The following CRB1 variants were observed in gnomAD, a reference collection of about 807,000 sequenced individuals.
CRB1 encodes crumbs cell polarity complex component 1.
Under a neutral mutation model 120.0 loss-of-function variants are expected in CRB1, and 83 were observed. That is an observed-to-expected ratio of 0.69 (90% CI 0.58 to 0.83). The LOEUF (loss-of-function observed/expected upper bound fraction) is 0.83. Among genes scored for constraint, CRB1 ranks in the 40% least tolerant of loss-of-function variants. CRB1 has a pLI of 0.00. For missense variants in CRB1, 1,699 were observed against 1,687.6 expected, an observed-to-expected ratio of 1.01 and a Z score of -0.12; for synonymous variants, 625 against 612.5, an observed-to-expected ratio of 1.02 and a Z score of -0.30.
At chr1:197,460,515 T>C (rs1322295566) in intron 11 of CRB1, among the ~76,000 whole-genome samples, 1 of 151,926 alleles carries the variant, frequency 6.6e-6, no homozygotes, top group African/African-American at 2.4e-5. Context: ...CAGCCAAGGG[T>C]TGTGCCTTCT....
chr1:197,330,167 C>G (rs980634660), intron 2 of CRB1, among the ~76,000 whole-genome samples: 12 of 152,106 alleles, frequency 7.9e-5, no homozygotes, highest in Non-Finnish European at 1.8e-4. Flanking sequence ...TCCCCTCTCC[C>G]TCCTCCTTTA....
intron 5 of CRB1, among the ~76,000 whole-genome samples, chr1:197,398,002 T>C (rs1397642267): frequency 6.6e-6 from 1 of 152,154 alleles, no homozygotes; most frequent in Non-Finnish European, 1.5e-5. Flanking sequence ...GCCTCTGAGA[T>C]GTCCATCCTA....
At chr1:197,439,591 C>T (rs1665333388) in intron 10 of CRB1, 1 of 152,114 alleles carries the variant, frequency 6.6e-6, no homozygotes. Flanking sequence ...AATCTTTGCT[C>T]AACACAATTT....
chr1:197,448,196 T>A (rs570558011), intron 11 of CRB1, among the ~76,000 whole-genome samples: 1 of 152,344 alleles, frequency 6.6e-6, no homozygotes, highest in East Asian at 1.9e-4. Flanking sequence ...CCTATTTTTG[T>A]TTCTGGGGAA....
At chr1:197,366,203 C>T (rs1304492898) in intron 5 of CRB1, among the ~76,000 whole-genome samples, 1 of 151,914 alleles carries the variant, frequency 6.6e-6, no homozygotes, top group East Asian at 1.9e-4. Context: ...GCCTTTCTTC[C>T]ATCCCGAATA....
At chr1:197,289,475 T>C (rs1656036522) in intron 1 of CRB1, among the ~76,000 whole-genome samples, 1 of 151,734 alleles carries the variant, frequency 6.6e-6, no homozygotes, top group African/African-American at 2.4e-5. Context: ...ATATTTACTG[T>C]ATCTTTATTT....
chr1:197,297,633 G>T (rs955949709), intron 1 of CRB1, among the ~76,000 whole-genome samples: 3 of 152,066 alleles, frequency 2.0e-5, no homozygotes, highest in Non-Finnish European at 2.9e-5. Flanking sequence ...CAACTTGGGG[G>T]ATATCAATCT....
intron 5 of CRB1, among the ~76,000 whole-genome samples, chr1:197,391,962 G>T (rs547535656): frequency 6.6e-6 from 1 of 151,938 alleles, no homozygotes; most frequent in Non-Finnish European, 1.5e-5. Flanking sequence ...AACTTGGGGG[G>T]CCCAGTGCAA....
Position 197,399,463 on chromosome 1 carries a change from C to T in CRB1, c.1172-21537C>T, listed in dbSNP as rs140989266. Among the ~76,000 whole-genome samples the T allele has an allele frequency of 5.1e-4, 78 of 152,204 alleles. 1 individual carries two copies. On this transcript the variant is annotated intron_variant, in intron 5 of 11. Coordinates refer to ENST00000367400, the MANE Select transcript of CRB1 (RefSeq NM_201253.3). Reference sequence around the variant, plus strand: ...TGAGTTTGAATTTTGACTCTGCTAGCCATAGTCTGTGTGCTTGGTTAAATC... The same window carrying T: ...TGAGTTTGAATTTTGACTCTGCTAGTCATAGTCTGTGTGCTTGGTTAAATC...
the CRB1 span, among the ~76,000 whole-genome samples, chr1:197,235,488 T>C: frequency 6.6e-6 from 1 of 152,232 alleles, no homozygotes; most frequent in African/African-American, 2.4e-5. Flanking sequence ...TGATAAAGTC[T>C]GTGTTAACCT....
At chr1:197,246,093 G>A in the CRB1 span, among the ~76,000 whole-genome samples, 1 of 152,022 alleles carries the variant, frequency 6.6e-6, no homozygotes, top group Non-Finnish European at 1.5e-5. Flanking sequence ...GGAAATATGG[G>A]AGGAGCCTTG....
intron 11 of CRB1, among the ~76,000 whole-genome samples, chr1:197,465,928 A>AT (rs1233575102): frequency 1.3e-5 from 2 of 152,244 alleles, no homozygotes; most frequent in Non-Finnish European, 2.9e-5. Flanking sequence ...AATAGATTAT[A>AT]TAAACAAGGA....
chr1:197,220,846 T>C, the CRB1 span, among the ~76,000 whole-genome samples: 2 of 152,178 alleles, frequency 1.3e-5, no homozygotes, highest in African/African-American at 4.8e-5. Context: ...ACGTGCTTGC[T>C]TCACCTTTGC....
At chr1:197,257,567 A>C in the CRB1 span, among the ~76,000 whole-genome samples, 22 of 152,202 alleles carry the variant, frequency 1.4e-4, no homozygotes, top group Admixed American at 1.4e-3. Context: ...ATTTTCTTGC[A>C]ATCTCCACCT....
chr1:197,330,752 C>T lies in CRB1; in HGVS notation c.652+1749C>T, dbSNP rs143070314. Among the ~76,000 whole-genome samples the T allele has an allele frequency of 2.6e-5, 4 of 151,922 alleles. No homozygotes were observed. The East Asian group carries it at 7.8e-4, about 30-fold the overall frequency. ...GTTGACACCTGTATTAAAGAATCCCCTATAATTCTTTCCTATTTTACATAT... is the reference window on the plus strand; with the variant it reads ...GTTGACACCTGTATTAAAGAATCCCTTATAATTCTTTCCTATTTTACATAT... On this transcript the variant is annotated intron_variant, in intron 2 of 11. Coordinates refer to ENST00000367400, the MANE Select transcript of CRB1 (RefSeq NM_201253.3).
chr1:197,421,362 C>G lies in CRB1; in HGVS notation c.1534C>G (p.Leu512Val), dbSNP rs1664304309. Residue 512 changes from leucine (L) to valine (V), a missense_variant, in exon 6 of 12, where the codon CTC becomes GTC. Physicochemically the swap from Leu to Val is conservative, Grantham distance 32. Coordinates refer to ENST00000367400, the MANE Select transcript of CRB1 (RefSeq NM_201253.3). Reference sequence around the variant, plus strand: ...CAAGGGCTCAGTTTGTAACATAGCCCTCAGGTTTCAGACTGTTCAGCCAAT... The same window carrying G: ...CAAGGGCTCAGTTTGTAACATAGCCGTCAGGTTTCAGACTGTTCAGCCAAT... ...TTKGSVCNIA[L>V]RFQTVQPMAL... is the part of the protein sequence containing the mutation. The G allele has an allele frequency of 1.9e-6, 3 of 1,614,202 alleles. No individual in the cohort carries two copies.
chr1:197,467,487 C>T (rs974635912), intron 11 of CRB1, among the ~76,000 whole-genome samples: 2 of 152,162 alleles, frequency 1.3e-5, no homozygotes, highest in African/African-American at 4.8e-5. Flanking sequence ...CATATTCAGA[C>T]TTTCTAATTG....
At position 197,314,324 on chromosome 1, in the gene CRB1, T is replaced by C. The variant is rs771628487; in HGVS notation, c.71-14098T>C. Among the ~76,000 whole-genome samples, 68 of 152,360 alleles carry C rather than the reference T, an allele frequency of 4.5e-4. 1 individual carries two copies. The highest frequency in any genetic ancestry group is 9.3e-4 in the Non-Finnish European group (63 of 68,034). ...ACTGTTCAGCCCATCAAGATTATTCTTCATTTCAGATATTTTACTTTTCAA... is the reference window on the plus strand; with the variant it reads ...ACTGTTCAGCCCATCAAGATTATTCCTCATTTCAGATATTTTACTTTTCAA... On this transcript the variant is annotated intron_variant, in intron 1 of 11. Coordinates refer to ENST00000367400, the MANE Select transcript of CRB1 (RefSeq NM_201253.3).
At chr1:197,429,144 G>T (rs1234049243) in intron 7 of CRB1, 1 of 1,531,620 alleles carries the variant, frequency 6.5e-7, no homozygotes. Flanking sequence ...ATTAGTGCAT[G>T]TGAAAAAGTG....
Sources: allele counts gnomAD v4.1 joint callset (sites outside exome capture counted in the v4.1 genomes callset), GRCh38; gene constraint gnomAD v4.1.1; transcripts MANE v1.5; gene names NCBI Gene and HGNC (gene_info 2026-07-23, HGNC 2026-07-21).